Variants in CNTNAP4 observed in about 807,000 individuals in gnomAD.
The protein encoded by CNTNAP4 is contactin-associated protein-like 4.
In CNTNAP4, 98 loss-of-function variants were observed where a neutral mutation model predicts 148.4. The ratio of observed to expected loss-of-function variants is 0.66; its 90% CI spans 0.56 to 0.78. The LOEUF is 0.78. Ranked by LOEUF, CNTNAP4 falls within the 30% of genes least tolerant of loss-of-function variation. The pLI is 0.00. For synonymous variants in CNTNAP4, 730 were observed against 565.1 expected (o/e 1.29, Z -4.14); for missense variants, 1,935 against 1,565.6 (o/e 1.24, Z -3.98).
chr16:76,373,271 A>G (rs942360220), intron 3 of CNTNAP4, among the ~76,000 whole-genome samples: 4 of 146,292 alleles, frequency 2.7e-5, no homozygotes, highest in African/African-American at 1.1e-4. Context: ...TATATATGTG[A>G]AATATATTCC....
chr16:76,530,758 CT>C (rs1290467564), intron 17 of CNTNAP4, among the ~76,000 whole-genome samples: 1 of 152,154 alleles, frequency 6.6e-6, no homozygotes, highest in Admixed American at 6.5e-5. Context: ...TCCTCCCCTC[CT>C]TTCCAGGACT....
intron 3 of CNTNAP4, among the ~76,000 whole-genome samples, chr16:76,426,152 A>T (rs2079391346): frequency 6.6e-6 from 1 of 152,146 alleles, no homozygotes; most frequent in East Asian, 1.9e-4. Context: ...GGCAGAAGGT[A>T]GGGGATTGAT....
At chr16:76,335,384 C>T (rs1378562591) in intron 2 of CNTNAP4, among the ~76,000 whole-genome samples, 1 of 152,142 alleles carries the variant, frequency 6.6e-6, no homozygotes, top group Admixed American at 6.5e-5. Flanking sequence ...AAGCAGATGA[C>T]TGCACAGCTT....
At chr16:76,353,607 A>G (rs544906959) in intron 2 of CNTNAP4, among the ~76,000 whole-genome samples, 1 of 152,178 alleles carries the variant, frequency 6.6e-6, no homozygotes, top group East Asian at 1.9e-4. Flanking sequence ...TAAATTGTTC[A>G]GATTAGCCAA....
intron 2 of CNTNAP4, among the ~76,000 whole-genome samples, chr16:76,320,246 T>C (rs1962264745): frequency 6.6e-6 from 1 of 152,192 alleles, no homozygotes; most frequent in South Asian, 2.1e-4. Flanking sequence ...TTAGATCTTG[T>C]AAACAATGAA....
intron 2 of CNTNAP4, among the ~76,000 whole-genome samples, chr16:76,349,066 A>G (rs1179359730): frequency 6.6e-6 from 1 of 152,100 alleles, no homozygotes; most frequent in African/African-American, 2.4e-5. Context: ...TTATGTAACT[A>G]GAAAGCACGG....
Position 76,524,248 on chromosome 16 carries a change from G to T in CNTNAP4, c.2755+1991G>T, listed in dbSNP as rs115752670. Among the ~76,000 whole-genome samples the T allele has an allele frequency of 4.8e-3, 733 of 152,166 alleles. 6 individuals are homozygous for T. The highest frequency in any genetic ancestry group is 0.017 in the African/African-American group (712 of 41,524). ...GACCACTTGATTGACTTACTTAAGGGTATGAAAATAATAAAGAATGTATGA... is the reference window on the plus strand; with the variant it reads ...GACCACTTGATTGACTTACTTAAGGTTATGAAAATAATAAAGAATGTATGA... On this transcript the variant is annotated intron_variant, in intron 17 of 23. Transcript: ENST00000611870.
At chr16:76,497,074 A>G (rs1156890645) in intron 14 of CNTNAP4, among the ~76,000 whole-genome samples, 1 of 152,212 alleles carries the variant, frequency 6.6e-6, no homozygotes, top group Non-Finnish European at 1.5e-5. Flanking sequence ...GAAATAATGG[A>G]TGAAAACTCA....
chr16:76,423,348 C>G (rs1323767145), intron 3 of CNTNAP4, among the ~76,000 whole-genome samples: 2 of 152,042 alleles, frequency 1.3e-5, no homozygotes, highest in African/African-American at 4.8e-5. Context: ...GCTTGGCATG[C>G]ATTCAAAATG....
At chr16:76,283,205 T>G (rs1158473) in intron 1 of CNTNAP4, among the ~76,000 whole-genome samples, 4 of 151,958 alleles carry the variant, frequency 2.6e-5, no homozygotes, top group African/African-American at 9.6e-5. Flanking sequence ...ATTTTTCTTG[T>G]TTAAATACTA....
chr16:76,548,756 T>A (rs2084844246), intron 21 of CNTNAP4, among the ~76,000 whole-genome samples: 1 of 152,162 alleles, frequency 6.6e-6, no homozygotes, highest in Non-Finnish European at 1.5e-5. Flanking sequence ...GCAGGAGACA[T>A]TTGTCATCAG....
intron 4 of CNTNAP4, among the ~76,000 whole-genome samples, chr16:76,447,165 C>T (rs530076371): frequency 6.6e-6 from 1 of 151,742 alleles, no homozygotes; most frequent in Non-Finnish European, 1.5e-5. Context: ...ACAAAATTAG[C>T]TGAGCATGGT....
chr16:76,420,756 G>C (rs1382321093), intron 3 of CNTNAP4, among the ~76,000 whole-genome samples: 1 of 152,012 alleles, frequency 6.6e-6, no homozygotes, highest in Non-Finnish European at 1.5e-5. Flanking sequence ...TCCCTAAAGA[G>C]AAAGCCTCAA....
At chr16:76,501,499 C>T (rs2082641652) in intron 15 of CNTNAP4, among the ~76,000 whole-genome samples, 1 of 152,190 alleles carries the variant, frequency 6.6e-6, no homozygotes, top group African/African-American at 2.4e-5. Flanking sequence ...CATCATTCCA[C>T]TTAGAGCAGT....
At chr16:76,318,457 C>G (rs998336065) in intron 2 of CNTNAP4, among the ~76,000 whole-genome samples, 37 of 151,988 alleles carry the variant, frequency 2.4e-4, no homozygotes, top group Non-Finnish European at 3.5e-4. Flanking sequence ...CAATATCAAA[C>G]TTCATGAATC....
chr16:76,425,148 T>G (rs2079338217), intron 3 of CNTNAP4, among the ~76,000 whole-genome samples: 1 of 152,190 alleles, frequency 6.6e-6, no homozygotes, highest in Non-Finnish European at 1.5e-5. Context: ...GTTCTCCTAT[T>G]TATGTTCTGG....
At position 76,528,580 on chromosome 16, in the gene CNTNAP4, T is replaced by C. The variant is rs185666921; in HGVS notation, c.2755+6323T>C. On this transcript the variant is annotated intron_variant, in intron 17 of 23. Coordinates refer to ENST00000611870, the MANE Select transcript of CNTNAP4 (RefSeq NM_033401.5). ...ACGCCTCACCTGCAGATTAGCATTGTTGGTAATCTCTCAGAAGTGGCTGTT... is the reference window on the plus strand; with the variant it reads ...ACGCCTCACCTGCAGATTAGCATTGCTGGTAATCTCTCAGAAGTGGCTGTT... Among the ~76,000 whole-genome samples the C allele has an allele frequency of 1.4e-3, 219 of 152,298 alleles. 3 individuals carry two copies. The highest frequency in any genetic ancestry group is 7.5e-4 in the Non-Finnish European group (51 of 68,020).
intron 9 of CNTNAP4, among the ~76,000 whole-genome samples, chr16:76,463,349 G>T (rs771372142): frequency 6.6e-6 from 1 of 152,114 alleles, no homozygotes; most frequent in Non-Finnish European, 1.5e-5. Flanking sequence ...TGTAAATCAT[G>T]AAAATAGAAT....
At chr16:76,373,996 C>T (rs2015152884) in intron 3 of CNTNAP4, among the ~76,000 whole-genome samples, 1 of 151,442 alleles carries the variant, frequency 6.6e-6, no homozygotes, top group Non-Finnish European at 1.5e-5. Flanking sequence ...ATAAGAGATA[C>T]AGTCCAAAAT....
Sources: gnomAD v4.1 joint callset for allele counts (sites outside exome capture counted in the v4.1 genomes callset) on GRCh38, gnomAD v4.1.1 for gene constraint, MANE v1.5 for transcripts, NCBI Gene and HGNC (gene_info 2026-07-23, HGNC 2026-07-21) for gene names.